PCNX1: variants seen among roughly 807,000 people sequenced by gnomAD.
PCNX1 encodes the protein pecanex-like protein 1.
A neutral mutation model predicts 242.2 loss-of-function variants in PCNX1; 78 were observed. The ratio of observed to expected loss-of-function variants is 0.32; its 90% CI spans 0.27 to 0.39. The LOEUF (loss-of-function observed/expected upper bound fraction) is 0.39, where lower values mean the gene tolerates loss of function less well. Ranked by LOEUF, PCNX1 falls within the 10% of genes least tolerant of loss-of-function variation. The pLI, the probability that PCNX1 is intolerant of heterozygous loss-of-function variation, is 1.00. For missense variants in PCNX1, 2,581 were observed against 2,856.5 expected, an observed-to-expected ratio of 0.90 and a Z score of 2.20; for synonymous variants, 1,024 against 1,032.9, an observed-to-expected ratio of 0.99 and a Z score of 0.17.
chr14:70,982,420 G>GGT (rs34960074), intron 6 of PCNX1, among the ~76,000 whole-genome samples: 4,553 of 152,192 alleles, frequency 0.03, 96 homozygotes, highest in Non-Finnish European at 0.041. Flanking sequence ...GAAACCCAGC[G>GGT]GTGTGTGGTC....
At chr14:71,084,442 G>A (rs531539213) in intron 28 of PCNX1, among the ~76,000 whole-genome samples, 2 of 152,204 alleles carry the variant, frequency 1.3e-5, no homozygotes, top group Non-Finnish European at 2.9e-5. Context: ...TGCTGAAGCT[G>A]TGCCCACAGC....
At chr14:71,041,755 A>G (rs1181638176) in intron 19 of PCNX1, among the ~76,000 whole-genome samples, 1 of 151,282 alleles carries the variant, frequency 6.6e-6, no homozygotes, top group Non-Finnish European at 1.5e-5. Flanking sequence ...AACTCTTTCT[A>G]CTTTTTTGAT....
intron 12 of PCNX1, among the ~76,000 whole-genome samples, chr14:71,021,174 T>C (rs144305697): frequency 0.13 from 19,577 of 152,232 alleles, 1,596 homozygotes; most frequent in South Asian, 0.25. Flanking sequence ...CCTTGTAGTA[T>C]AGTTTGAAGT....
In PCNX1 at chr14:71,026,865, A is replaced by T; in HGVS notation, c.3449A>T (p.His1150Leu). Reference sequence around the variant, plus strand: ...TACCTTTGTGAACAATTGGATATTCATATTTTTGGTGGTAATGGTGAGTAC... The same window carrying T: ...TACCTTTGTGAACAATTGGATATTCTTATTTTTGGTGGTAATGGTGAGTAC... ...VMYLCEQLDI[H>L]IFGGNATTSL... The change falls in exon 15 of 36, where the codon CAT becomes CTT. Residue 1150 changes from histidine (H) to leucine (L), a missense_variant. This residue lies in a region of PCNX1 where 432 missense variants were observed against 443.1 expected (regional missense o/e 0.97). Coordinates refer to ENST00000304743, the MANE Select transcript of PCNX1 (RefSeq NM_014982.3). The T allele has an allele frequency of 6.6e-7, 1 of 1,506,632 alleles. No individual in the cohort carries two copies. The highest frequency in any genetic ancestry group is 9.2e-7 in the Non-Finnish European group (1 of 1,083,732). 93.3% of individuals were successfully genotyped at this position (1,506,632 alleles called of 1,614,324 possible).
chr14:71,053,493 T>C, intron 24 of PCNX1: 1 of 339,480 alleles, frequency 2.9e-6, no homozygotes, highest in Non-Finnish European at 5.7e-6. Context: ...ATTTTTTGTA[T>C]TTTTAGTTGA....
rs1318979340 is a variant in PCNX1, at chr14:70,977,687, C to G, written c.1350C>G (p.Ser450Arg). ...GCTGTGCCAGTGACAAAAGGACTAGCAGTGAAAAGATTGCTATGGAAGCGA... is the reference window on the plus strand; with the variant it reads ...GCTGTGCCAGTGACAAAAGGACTAGGAGTGAAAAGATTGCTATGGAAGCGA... Reference protein sequence around the residue: ...KNSCASDKRTSSEKIAMEAST... With the variant: ...KNSCASDKRTRSEKIAMEAST... The change falls in exon 6 of 36, where the codon AGC becomes AGG. Residue 450 changes from serine (S) to arginine (R), a missense_variant. Ser to Arg is a moderately radical substitution (Grantham distance 110). Around this residue, in one of 9 missense-constraint regions of PCNX1, gnomAD observed 1,204 missense variants for 1,216.7 expected, o/e 0.99. Transcript: ENST00000304743. The G allele has an allele frequency of 6.2e-7, 1 of 1,614,108 alleles. No individual in the cohort carries two copies. The highest frequency in any genetic ancestry group is 1.1e-5 in the South Asian group (1 of 91,072).
At chr14:70,945,351 AAAATT>A (rs1261349056) in intron 1 of PCNX1, among the ~76,000 whole-genome samples, 7 of 152,232 alleles carry the variant, frequency 4.6e-5, no homozygotes, top group African/African-American at 1.7e-4. Flanking sequence ...TTCCCAACTT[AAAATT>A]ATAAGCCCAA....
chr14:70,985,463 C>T (rs1309103968), intron 6 of PCNX1, among the ~76,000 whole-genome samples: 1 of 152,196 alleles, frequency 6.6e-6, no homozygotes, highest in African/African-American at 2.4e-5. Flanking sequence ...ATCCACCCAC[C>T]TCGGCCTCCC....
At chr14:70,913,961 G>A (rs1326222109) in intron 1 of PCNX1, among the ~76,000 whole-genome samples, 1 of 152,124 alleles carries the variant, frequency 6.6e-6, no homozygotes, top group African/African-American at 2.4e-5. Flanking sequence ...CCCTTTACCA[G>A]TATTTTCAAT....
chr14:71,035,633 T>C (rs528040396), intron 18 of PCNX1, among the ~76,000 whole-genome samples: 12 of 149,830 alleles, frequency 8.0e-5, no homozygotes, highest in African/African-American at 2.4e-4. Flanking sequence ...TGGTGGGGTG[T>C]GGTGGCTCAC....
intron 31 of PCNX1, among the ~76,000 whole-genome samples, chr14:71,102,579 T>G (rs1356302976): frequency 1.3e-5 from 2 of 152,194 alleles, no homozygotes; most frequent in Non-Finnish European, 2.9e-5. Context: ...ATGTAAACTT[T>G]TAAAAAGTAA....
intron 7 of PCNX1, among the ~76,000 whole-genome samples, chr14:70,994,317 T>C (rs996266891): frequency 4.7e-5 from 7 of 150,020 alleles, no homozygotes; most frequent in Non-Finnish European, 8.9e-5. Flanking sequence ...AACTTAAGTT[T>C]TAATTTGGAT....
In PCNX1 at chr14:71,050,899, T is replaced by G. The variant is rs1386410003; in HGVS notation, c.4447+139T>G. ...AATTCATAATCTTGGCCGGGTGCAG[T>G]GGCTCACGCCTGTAATCCCAGCACT... On this transcript the variant is annotated intron_variant, in intron 23 of 35. Transcript: ENST00000304743. The G allele has an allele frequency of 3.8e-6, 3 of 793,712 alleles. No homozygotes were observed. In the South Asian group the frequency reaches 5.5e-5, roughly 15 times the overall value. The allele number at this position is 793,712 out of a possible 1,614,324, so 49.2% of individuals were successfully genotyped here.
rs180841243 is a variant in PCNX1 at position 70,966,309 on chromosome 14, A to C, written c.469-1889A>C. On this transcript the variant is annotated intron_variant, in intron 3 of 35. Transcript: ENST00000304743. The stretch of plus-strand genomic sequence containing the variant: ...TTAAAGAAATAGTTGTTTTTCACCT[A>C]AATCTGGAGGTGATTGTGTGGCATT... Among the ~76,000 whole-genome samples, 1,125 of 152,266 alleles carry C rather than the reference A, an allele frequency of 7.4e-3. 5 individuals are homozygous for C. Among genetic ancestry groups the C allele is most frequent in the Middle Eastern group, 0.017 (5 of 294 alleles).
At chr14:71,106,613 T>C (rs966027674) in intron 33 of PCNX1, among the ~76,000 whole-genome samples, 2 of 152,086 alleles carry the variant, frequency 1.3e-5, no homozygotes, top group Non-Finnish European at 2.9e-5. Context: ...GCTTTGAAGA[T>C]TGTCAGTTCC....
At chr14:71,102,785 T>C (rs933978863) in intron 31 of PCNX1, among the ~76,000 whole-genome samples, 2 of 152,182 alleles carry the variant, frequency 1.3e-5, no homozygotes, top group African/African-American at 2.4e-5. Context: ...GCAGGTCTTA[T>C]ATATTTTATA....
At position 71,088,005 on chromosome 14, in the gene PCNX1, G is replaced by C. The variant is rs2141636978; in HGVS notation, c.5338-325G>C. 1.3e-5 allele frequency among the ~76,000 whole-genome samples: 2 copies of C among 151,860 alleles called. 1 individual carries two copies. Among genetic ancestry groups the C allele is most frequent in the South Asian group, 4.1e-4 (2 of 4,820 alleles). On this transcript the variant is annotated intron_variant, in intron 28 of 35. Coordinates refer to ENST00000304743, the MANE Select transcript of PCNX1 (RefSeq NM_014982.3). The stretch of plus-strand genomic sequence containing the variant: ...GAAGTAGCTAATAGATAGAAATATT[G>C]TATTTTCAAGAGAGGGTAATATCAG...
In PCNX1 at chr14:71,113,625, T is replaced by TGAA. The variant is rs909030065; in HGVS notation, c.*3693_*3695dup. 1 of 152,594 alleles carries TGAA rather than the reference T, an allele frequency of 6.6e-6. No individual in the cohort carries two copies. Among genetic ancestry groups the TGAA allele is most frequent in the Non-Finnish European group, 1.5e-5 (1 of 68,016 alleles). 9.5% of individuals were successfully genotyped at this position (152,594 alleles called of 1,614,324 possible). A position where few individuals can be genotyped will look rare whatever the true frequency, so the allele number is the denominator to read the frequency against. On this transcript the variant is annotated 3_prime_UTR_variant, in exon 36 of 36. Transcript: ENST00000304743. Reference sequence around the variant, plus strand: ...TCATCCAGCACTGGGCCTTTTAAGCTGAAGATTCACCCAGTGTCTAAAGTT... The same window carrying TGAA: ...TCATCCAGCACTGGGCCTTTTAAGCTGAAGAAGATTCACCCAGTGTCTAAAGTT...
intron 30 of PCNX1, among the ~76,000 whole-genome samples, chr14:71,090,363 A>G (rs969508002): frequency 2.6e-5 from 4 of 152,248 alleles, no homozygotes; most frequent in African/African-American, 9.6e-5. Context: ...ATTAAAGTGT[A>G]TCTGCAGTGC....
Sources: gnomAD v4.1 joint callset for allele counts (sites outside exome capture counted in the v4.1 genomes callset) on GRCh38, gnomAD v4.1.1 for gene constraint, gnomAD v4.1.1 regional missense constraint, MANE v1.5 for transcripts, NCBI Gene and HGNC (gene_info 2026-07-23, HGNC 2026-07-21) for gene names.